The following CPPED1 variants were observed in gnomAD, a reference collection of about 807,000 sequenced individuals.
CPPED1 encodes the protein serine/threonine-protein phosphatase CPPED1.
In CPPED1, 28 loss-of-function variants were observed where a neutral mutation model predicts 28.0. The ratio of observed to expected loss-of-function variants is 1.00; its 90% confidence interval spans 0.74 to 1.37. CPPED1 has a LOEUF of 1.37. CPPED1 is among the 40% of genes most tolerant of loss of function. The pLI, the probability that CPPED1 is intolerant of heterozygous loss-of-function variation, is 0.00. For synonymous variants in CPPED1, 198 were observed against 180.2 expected (o/e 1.10, Z -0.79); for missense variants, 504 against 416.5 (o/e 1.21, Z -1.83).
chr16:12,691,980 AC>A (rs72132943), intron 3 of CPPED1, among the ~76,000 whole-genome samples: 20,122 of 144,778 alleles, frequency 0.14, 1,425 homozygotes, highest in Middle Eastern at 0.21. Flanking sequence ...TAAAAAAAAA[AC>A]AAAAACAACA....
chr16:12,737,169 G>A lies in CPPED1; in HGVS notation c.290-32120C>T, dbSNP rs557842193. Among the ~76,000 whole-genome samples the A allele has an allele frequency of 1.6e-4, 24 of 152,170 alleles. No homozygotes were observed. In the East Asian group the frequency reaches 4.6e-3, roughly 29 times the overall value. On this transcript the variant is annotated intron_variant, in intron 2 of 3. Transcript: ENST00000381774. ...TGTGCCATTGCACTCCAGTCTGGGC[G>A]AGAGAGTGAGACCATGTCTCAAAAA...
intron 2 of CPPED1, among the ~76,000 whole-genome samples, chr16:12,735,914 A>G (rs562380196): frequency 5.3e-5 from 8 of 152,332 alleles, no homozygotes; most frequent in South Asian, 2.1e-4. Flanking sequence ...AAAGAAAGTT[A>G]TATTTAAACT....
chr16:12,774,252 T>C (rs147482746), intron 2 of CPPED1, among the ~76,000 whole-genome samples: 138 of 152,120 alleles, frequency 9.1e-4, no homozygotes, highest in East Asian at 2.9e-3. Context: ...GGGCAATCAC[T>C]TGAGGTCAGG....
At chr16:12,728,392 C>T (rs1234795886) in intron 2 of CPPED1, among the ~76,000 whole-genome samples, 1 of 151,884 alleles carries the variant, frequency 6.6e-6, no homozygotes, top group Non-Finnish European at 1.5e-5. Flanking sequence ...TTTAGGATAA[C>T]ATATCCCTGA....
chr16:12,778,929 G>C (rs775330688), intron 2 of CPPED1, among the ~76,000 whole-genome samples: 2 of 152,186 alleles, frequency 1.3e-5, no homozygotes, highest in Non-Finnish European at 2.9e-5. Flanking sequence ...AGTTTGCCAA[G>C]TCACATTTAT....
chr16:12,678,709 A>T (rs563164077), intron 3 of CPPED1, among the ~76,000 whole-genome samples: 224 of 152,312 alleles, frequency 1.5e-3, no homozygotes, highest in African/African-American at 5.2e-3. Flanking sequence ...AGTATATAAA[A>T]ATACAATTAT....
chr16:12,715,419 G>T (rs548602067), intron 2 of CPPED1, among the ~76,000 whole-genome samples: 1 of 152,104 alleles, frequency 6.6e-6, no homozygotes, highest in Non-Finnish European at 1.5e-5. Context: ...CAGCACTCTG[G>T]GAGGCTGAGG....
chr16:12,680,629 G>T (rs1196173332), intron 3 of CPPED1, among the ~76,000 whole-genome samples: 1 of 152,112 alleles, frequency 6.6e-6, no homozygotes, highest in African/African-American at 2.4e-5. Flanking sequence ...CTCTGATCTG[G>T]GTCTTGGGGG....
At position 12,664,643 on chromosome 16, in the gene CPPED1, A is replaced by G. The variant is rs910105964; in HGVS notation, c.*243T>C. On this transcript the variant is annotated 3_prime_UTR_variant, in exon 4 of 4. Transcript: ENST00000381774. This position sits in a 1 kb window ranked among gnomAD's most constrained non-coding sequence, Gnocchi z 4.2. The stretch of plus-strand genomic sequence containing the variant: ...AGAATTTATTCAAACATCCATGCAG[A>G]GATAGTCTAATATTTTAAAAACTGA... 1.1e-5 allele frequency: 15 copies of G among 1,334,004 alleles called. No individual in the cohort carries two copies. In the African/African-American group the frequency reaches 2.3e-4, roughly 20 times the overall value. 82.6% of individuals were successfully genotyped at this position (1,334,004 alleles called of 1,614,324 possible).
chr16:12,753,822 G>A (rs963579197), intron 2 of CPPED1: 4 of 152,124 alleles, frequency 2.6e-5, no homozygotes, highest in African/African-American at 9.7e-5. Context: ...TTCATAAAGT[G>A]TAGCTTTCTG....
At chr16:12,753,803 C>T (rs536321626) in intron 2 of CPPED1, 4 of 152,126 alleles carry the variant, frequency 2.6e-5, no homozygotes, top group African/African-American at 7.2e-5. Flanking sequence ...ATTTTTTTAA[C>T]GTCTCCCTTT....
intron 2 of CPPED1, among the ~76,000 whole-genome samples, chr16:12,714,066 CATG>C (rs1389866907): frequency 6.6e-6 from 1 of 152,136 alleles, no homozygotes; most frequent in Non-Finnish European, 1.5e-5. Context: ...TTTCACTTTG[CATG>C]ATGTTTTCAA....
At chr16:12,688,155 G>A (rs1456673512) in intron 3 of CPPED1, among the ~76,000 whole-genome samples, 6 of 150,742 alleles carry the variant, frequency 4.0e-5, no homozygotes, top group Non-Finnish European at 5.9e-5. Flanking sequence ...CTCAGCCTTC[G>A]GGGTAGCTGG....
At chr16:12,789,864 A>G (rs1596486477) in intron 1 of CPPED1, among the ~76,000 whole-genome samples, 1 of 152,170 alleles carries the variant, frequency 6.6e-6, no homozygotes. Context: ...TATAAAATTA[A>G]CTTTGAAACA....
At chr16:12,733,815 G>A (rs1455870163) in intron 2 of CPPED1, among the ~76,000 whole-genome samples, 1 of 152,096 alleles carries the variant, frequency 6.6e-6, no homozygotes, top group East Asian at 1.9e-4. Context: ...CCAATGAGGA[G>A]TTGTGCACTG....
At chr16:12,802,040 C>T (rs900676103) in intron 1 of CPPED1, among the ~76,000 whole-genome samples, 4 of 152,144 alleles carry the variant, frequency 2.6e-5, no homozygotes, top group Non-Finnish European at 5.9e-5. Flanking sequence ...CCTTTTGCTT[C>T]TCTCCCTGCT....
chr16:12,701,367 C>T (rs984064376), intron 3 of CPPED1, among the ~76,000 whole-genome samples: 10 of 152,088 alleles, frequency 6.6e-5, no homozygotes, highest in African/African-American at 2.4e-4. Context: ...AACCCCATCT[C>T]TACTAAAAAT....
intron 1 of CPPED1, among the ~76,000 whole-genome samples, chr16:12,803,300 C>G (rs948070660): frequency 6.6e-6 from 1 of 152,240 alleles, no homozygotes; most frequent in East Asian, 1.9e-4. Context: ...CCGACACCCT[C>G]TAACATGCAC....
intron 1 of CPPED1, among the ~76,000 whole-genome samples, chr16:12,793,957 A>G (rs939055147): frequency 6.6e-6 from 1 of 152,236 alleles, no homozygotes; most frequent in African/African-American, 2.4e-5. Flanking sequence ...TTCTCACAAT[A>G]GCAATCTGCA....
Sources: allele counts gnomAD v4.1 joint callset (sites outside exome capture counted in the v4.1 genomes callset), GRCh38; gene constraint gnomAD v4.1.1; non-coding constraint Gnocchi (gnomAD v3.1); transcripts MANE v1.5; gene names NCBI Gene and HGNC (gene_info 2026-07-23, HGNC 2026-07-21).